GAPVD1: variants seen among roughly 807,000 people sequenced by gnomAD.
The protein encoded by GAPVD1 is GTPase activating protein and VPS9 domains 1.
GAPVD1 carries 35 observed loss-of-function variants against 155.5 expected under a neutral mutation model. The observed-to-expected ratio is 0.23, with a 90% CI of 0.17 to 0.30. The LOEUF is 0.30. Among genes scored for constraint, GAPVD1 ranks in the 10% least tolerant of loss-of-function variants. GAPVD1 has a pLI of 1.00. For synonymous variants in GAPVD1, 636 were observed against 619.7 expected, an observed-to-expected ratio of 1.03 and a Z score of -0.39; for missense variants, 1,429 against 1,775.7, an observed-to-expected ratio of 0.80 and a Z score of 3.51.
At chr9:125,350,575 T>A in intron 22 of GAPVD1, 138 bp from the exon 23 acceptor site, 1 of 681,788 alleles carries the variant, frequency 1.5e-6, no homozygotes, top group Non-Finnish European at 2.5e-6. Context: ...ATTAAAGTAT[T>A]TTCTAATTGG....
chr9:125,345,364 A>G (rs1406597799), intron 19 of GAPVD1, among the ~76,000 whole-genome samples: 3 of 151,990 alleles, frequency 2.0e-5, no homozygotes, highest in African/African-American at 7.2e-5. Context: ...TATTTTTAGT[A>G]GAGTTGGGGT....
At chr9:125,264,414 C>T (rs993085337) in intron 1 of GAPVD1, among the ~76,000 whole-genome samples, 1 of 152,122 alleles carries the variant, frequency 6.6e-6, no homozygotes. Flanking sequence ...AGGCTGGTCT[C>T]AAAGTCCTGA....
At chr9:125,323,980 A>T in intron 11 of GAPVD1, 57 bp downstream of exon 11, 11 of 1,511,236 alleles carry the variant, frequency 7.3e-6, no homozygotes, top group Non-Finnish European at 9.1e-6. Context: ...TGATTGCAAG[A>T]TGAGCAGTGT....
chr9:125,286,204 C>T (rs1837669737), intron 2 of GAPVD1, among the ~76,000 whole-genome samples: 1 of 152,184 alleles, frequency 6.6e-6, no homozygotes, highest in Non-Finnish European at 1.5e-5. Context: ...ACGTCTGCCT[C>T]CTGGGCTCAA....
Position 125,326,513 on chromosome 9 carries a change from T to C in GAPVD1, c.1956T>C (p.Ser652=), listed in dbSNP as rs776620662. 1.9e-6 allele frequency: 3 copies of C among 1,610,644 alleles called. No individual in the cohort carries two copies. The highest frequency in any genetic ancestry group is 4.5e-5 in the East Asian group (2 of 44,864). Residue 652 remains serine (S), a synonymous_variant, in exon 12 of 28, where the codon AGT becomes AGC. Transcript: ENST00000297933. ...TDDRDISETV[S]ETWSTDVLGS... ...ATAGGGACATATCAGAAACAGTGAG[T>C]GAGACCTGGAGTACAGACGTCTTGG... is the stretch of plus-strand genomic sequence containing the variant.
intron 11 of GAPVD1, among the ~76,000 whole-genome samples, chr9:125,325,132 C>T (rs1229545748): frequency 2.0e-5 from 3 of 151,384 alleles, no homozygotes; most frequent in African/African-American, 7.3e-5. Flanking sequence ...GGCTGAGGCA[C>T]GAGAATCGCT....
intron 8 of GAPVD1, chr9:125,308,762 A>G (rs1351693945): frequency 6.6e-6 from 1 of 152,230 alleles, no homozygotes; most frequent in Non-Finnish European, 1.5e-5. Flanking sequence ...CACTGGATAC[A>G]AAGACCATTA....
intron 1 of GAPVD1, chr9:125,263,920 AAAC>A: frequency 6.9e-7 from 1 of 1,448,110 alleles, no homozygotes; most frequent in Admixed American, 1.7e-5. Flanking sequence ...GTCTCCAGGC[AAAC>A]TGTTCCTTCA....
chr9:125,283,429 G>A (rs1387024418), intron 2 of GAPVD1, among the ~76,000 whole-genome samples: 1 of 152,038 alleles, frequency 6.6e-6, no homozygotes, highest in African/African-American at 2.4e-5. Flanking sequence ...CGCAGTCTTG[G>A]CTCACTGCAG....
chr9:125,268,863 C>T (rs965599853), intron 1 of GAPVD1, 73 bp from the exon 2 acceptor site: 4 of 151,718 alleles, frequency 2.6e-5, no homozygotes, highest in African/African-American at 7.3e-5. Context: ...AGTTTAATAG[C>T]GAAAGTAGGT....
In GAPVD1 at chr9:125,330,007, G is replaced by A. The variant is rs545439672; in HGVS notation, c.2033-71G>A. The stretch of plus-strand genomic sequence containing the variant: ...AGGAGATTTTGTTAGCTAGTGTTTG[G>A]CTTTTCTCCACTATCACTGCACTTT... On this transcript the variant is annotated intron_variant, in intron 12 of 27. Transcript: ENST00000297933. 1.5e-5 allele frequency: 19 copies of A among 1,298,212 alleles called. No homozygotes were observed. The African/African-American group carries it at 2.8e-4, about 19-fold the overall frequency. The allele number at this position is 1,298,212 out of a possible 1,614,324, so 80.4% of individuals were successfully genotyped here. A position where few individuals can be genotyped will look rare whatever the true frequency, so the allele number is the denominator to read the frequency against.
intron 2 of GAPVD1, among the ~76,000 whole-genome samples, chr9:125,287,106 G>C (rs1837829944): frequency 6.6e-6 from 1 of 151,986 alleles, no homozygotes; most frequent in South Asian, 2.1e-4. Context: ...CAGTGTGTCA[G>C]GAGTTCAGAG....
intron 15 of GAPVD1, 95 bp downstream of exon 15, chr9:125,332,724 T>TGTCCCAA: frequency 9.8e-7 from 1 of 1,017,164 alleles, no homozygotes; most frequent in Non-Finnish European, 1.5e-6. Flanking sequence ...TCTGTTGGTA[T>TGTCCCAA]AGCACTTTGG....
At chr9:125,287,969 A>G (rs1014306775) in intron 2 of GAPVD1, 1 of 151,950 alleles carries the variant, frequency 6.6e-6, no homozygotes, top group Non-Finnish European at 1.5e-5. Context: ...CGAACTCCTG[A>G]CCTCAAGTGA....
chr9:125,300,658 A>G (rs1439985812), intron 4 of GAPVD1, among the ~76,000 whole-genome samples: 4 of 152,110 alleles, frequency 2.6e-5, no homozygotes, highest in Non-Finnish European at 5.9e-5. Context: ...TTGACTGGGA[A>G]AGGGCACGTG....
At chr9:125,334,958 CT>C (rs1846668053) in intron 15 of GAPVD1, among the ~76,000 whole-genome samples, 1 of 152,144 alleles carries the variant, frequency 6.6e-6, no homozygotes, top group Admixed American at 6.5e-5. Context: ...TGTTTAAAGA[CT>C]TTTCTGGTGA....
chr9:125,267,660 C>T (rs775016503), intron 1 of GAPVD1, among the ~76,000 whole-genome samples: 11 of 152,138 alleles, frequency 7.2e-5, no homozygotes, highest in South Asian at 4.2e-4. Flanking sequence ...CTGCCCGCTT[C>T]GGCCTCCCAA....
In GAPVD1 at chr9:125,305,121, CAA is replaced by C; in HGVS notation, c.1090_1091del (p.Lys364GlufsTer7). Reference sequence around the variant, plus strand: ...GGCTCTGAAGAGGGAGATCCCCGAACAAAGAGCAGCCTTGGAAAGTTTGACAA... The same window carrying C: ...GGCTCTGAAGAGGGAGATCCCCGAACAGAGCAGCCTTGGAAAGTTTGACAA... On this transcript the variant is annotated frameshift_variant, in exon 6 of 28. Coordinates refer to ENST00000297933, the MANE Select transcript of GAPVD1 (RefSeq NM_001282680.3). LOFTEE classifies it high-confidence loss of function. 6.2e-7 allele frequency: 1 copy of C among 1,613,622 alleles called. No homozygotes were observed. The highest frequency in any genetic ancestry group is 8.5e-7 in the Non-Finnish European group (1 of 1,179,586).
intron 6 of GAPVD1, among the ~76,000 whole-genome samples, chr9:125,305,741 A>G (rs1234171285): frequency 1.3e-5 from 2 of 151,310 alleles, no homozygotes; most frequent in African/African-American, 2.4e-5. Flanking sequence ...TCATGGCTCA[A>G]ACTCCTGGGC....
Sources: gnomAD v4.1 joint callset for allele counts (sites outside exome capture counted in the v4.1 genomes callset) on GRCh38, gnomAD v4.1.1 for gene constraint, MANE v1.5 for transcripts, NCBI Gene and HGNC (gene_info 2026-07-23, HGNC 2026-07-21) for gene names.